The following TRIM24 variants were observed in gnomAD, a reference collection of about 807,000 sequenced individuals.
The protein encoded by TRIM24 is transcription intermediary factor 1-alpha.
Under a neutral mutation model 123.9 loss-of-function variants are expected in TRIM24, and 29 were observed. The ratio of observed to expected loss-of-function variants is 0.23; its 90% CI spans 0.17 to 0.32. TRIM24 has a LOEUF of 0.32. TRIM24 is among the 10% of genes least tolerant of loss of function. TRIM24 has a pLI of 1.00. For missense variants in TRIM24, 932 were observed against 1,295.3 expected (o/e 0.72, Z 4.31); for synonymous variants, 456 against 461.1 (o/e 0.99, Z 0.14).
chr7:138,544,011 G>C (rs565333701), intron 7 of TRIM24, among the ~76,000 whole-genome samples: 2 of 149,872 alleles, frequency 1.3e-5, no homozygotes, highest in Non-Finnish European at 3.0e-5. Context: ...TTTTTTTTTT[G>C]TAGAGACAAG....
chr7:138,566,779 C>T (rs1197655147), intron 9 of TRIM24, among the ~76,000 whole-genome samples: 1 of 152,094 alleles, frequency 6.6e-6, no homozygotes, highest in Non-Finnish European at 1.5e-5. Flanking sequence ...AAAATGCCTG[C>T]CAGGGCTCAA....
chr7:138,539,667 A>G (rs1796961273), intron 7 of TRIM24, among the ~76,000 whole-genome samples: 1 of 152,284 alleles, frequency 6.6e-6, no homozygotes, highest in East Asian at 1.9e-4. Context: ...AGCAAATATC[A>G]TAATAAGCCA....
At chr7:138,543,340 T>C (rs953072150) in intron 7 of TRIM24, among the ~76,000 whole-genome samples, 2 of 152,234 alleles carry the variant, frequency 1.3e-5, no homozygotes, top group African/African-American at 4.8e-5. Context: ...AAGTGAGCAC[T>C]GATGCATTTC....
chr7:138,519,389 ACCCTC>A, intron 4 of TRIM24, 68 bp downstream of exon 4: 2 of 1,507,808 alleles, frequency 1.3e-6, no homozygotes, highest in East Asian at 4.6e-5. Flanking sequence ...ACTGCTGCCA[ACCCTC>A]ATCAAATGGC....
chr7:138,493,737 C>T (rs2116504396), intron 1 of TRIM24, among the ~76,000 whole-genome samples: 1 of 152,224 alleles, frequency 6.6e-6, no homozygotes, highest in South Asian at 2.1e-4. Flanking sequence ...CAACAGCGAG[C>T]CATTCTAGGA....
chr7:138,558,843 A>G (rs113946079), intron 9 of TRIM24, among the ~76,000 whole-genome samples: 84 of 152,284 alleles, frequency 5.5e-4, no homozygotes, highest in Middle Eastern at 3.4e-3. Context: ...TTTCATATGT[A>G]TGACTTGCCT....
chr7:138,467,101 T>C (rs1055603068), intron 1 of TRIM24, among the ~76,000 whole-genome samples: 8 of 152,224 alleles, frequency 5.3e-5, no homozygotes, highest in African/African-American at 1.2e-4. Context: ...CTGTTCTTTA[T>C]TGATTTGTCC....
rs996295970 is a variant in TRIM24 at position 138,460,291 on chromosome 7, C to T, written c.-258C>T. On this transcript the variant is annotated 5_prime_UTR_variant, in exon 1 of 19. Coordinates refer to ENST00000343526, the MANE Select transcript of TRIM24 (RefSeq NM_015905.3). The stretch of plus-strand genomic sequence containing the variant: ...ACGAGCGCCTCGGCGGTTGGCGAAG[C>T]GGACGGGGTGCAGCCTCCCCGGTGC... The T allele has an allele frequency of 7.9e-6, 3 of 378,570 alleles. No homozygotes were observed. Among genetic ancestry groups the T allele is most frequent in the African/African-American group, 4.2e-5 (2 of 47,982 alleles). The allele number at this position is 378,570 out of a possible 1,614,324, so 23.5% of individuals were successfully genotyped here. A position where few individuals can be genotyped will look rare whatever the true frequency, so the allele number is the denominator to read the frequency against.
intron 4 of TRIM24, among the ~76,000 whole-genome samples, chr7:138,521,375 G>C (rs1158676936): frequency 1.3e-5 from 2 of 152,160 alleles, no homozygotes; most frequent in African/African-American, 4.8e-5. Flanking sequence ...GCATAGTCTA[G>C]GAAGAGGGTG....
chr7:138,570,733 T>C (rs1563064427), intron 10 of TRIM24, 97 bp from the exon 11 acceptor site: 4 of 1,262,842 alleles, frequency 3.2e-6, no homozygotes, highest in Non-Finnish European at 4.4e-6. Flanking sequence ...TAAATTACAG[T>C]TGAACTCTTC....
At chr7:138,526,218 A>T (rs1479688973) in intron 5 of TRIM24, among the ~76,000 whole-genome samples, 1 of 152,224 alleles carries the variant, frequency 6.6e-6, no homozygotes, top group Non-Finnish European at 1.5e-5. Flanking sequence ...ATCTATTATT[A>T]TCATTTTGGA....
At chr7:138,461,337 C>G (rs199534134) in intron 1 of TRIM24, 34 of 446,756 alleles carry the variant, frequency 7.6e-5, no homozygotes, top group Admixed American at 4.5e-4. Flanking sequence ...TCTATACTCA[C>G]GTTATTTGAG....
intron 1 of TRIM24, among the ~76,000 whole-genome samples, chr7:138,488,731 GTTCT>G (rs1421698074): frequency 6.6e-6 from 1 of 152,152 alleles, no homozygotes; most frequent in African/African-American, 2.4e-5. Flanking sequence ...TGTGATTTCT[GTTCT>G]TTTACATTTA....
At chr7:138,489,869 C>G (rs949232620) in intron 1 of TRIM24, among the ~76,000 whole-genome samples, 1 of 152,148 alleles carries the variant, frequency 6.6e-6, no homozygotes, top group African/African-American at 2.4e-5. Flanking sequence ...GTGGTGTTCT[C>G]TGTATTTCCT....
At chr7:138,485,524 C>G (rs917624542) in intron 1 of TRIM24, among the ~76,000 whole-genome samples, 11 of 152,108 alleles carry the variant, frequency 7.2e-5, no homozygotes, top group African/African-American at 2.7e-4. Context: ...CCATGACAGT[C>G]CCTGGTGTGT....
chr7:138,517,824 C>T (rs1487652569), intron 3 of TRIM24, among the ~76,000 whole-genome samples: 2 of 152,080 alleles, frequency 1.3e-5, no homozygotes, highest in African/African-American at 4.8e-5. Context: ...TAAAGAAATG[C>T]ATTCTAAGAT....
chr7:138,575,718 CTTCT>C (rs902334411), intron 12 of TRIM24, among the ~76,000 whole-genome samples: 2 of 151,608 alleles, frequency 1.3e-5, no homozygotes, highest in African/African-American at 4.8e-5. Context: ...AACAGTTTTC[CTTCT>C]TTCTTGGCTG....
intron 4 of TRIM24, 44 bp downstream of exon 4, chr7:138,519,365 TAGAGGACTAAAGGACTGC>T (rs1279033620): frequency 1.2e-5 from 19 of 1,549,050 alleles, no homozygotes; most frequent in Non-Finnish European, 1.6e-5. Flanking sequence ...TATGCAGCTT[TAGAGGACTAAAGGACTGC>T]TGCCAACCCT....
At chr7:138,581,560 T>C (rs1797895844) in intron 16 of TRIM24, 137 bp from the exon 17 acceptor site, 3 of 664,352 alleles carry the variant, frequency 4.5e-6, no homozygotes, top group Non-Finnish European at 7.4e-6. Flanking sequence ...ACTCCGAGAA[T>C]CAGTAATTTT....
Sources: allele counts gnomAD v4.1 joint callset (sites outside exome capture counted in the v4.1 genomes callset), GRCh38; gene constraint gnomAD v4.1.1; transcripts MANE v1.5; gene names NCBI Gene and HGNC (gene_info 2026-07-23, HGNC 2026-07-21).